The following MAP2K5 variants were observed in gnomAD, a reference collection of about 807,000 sequenced individuals.
MAP2K5 encodes the protein mitogen-activated protein kinase kinase 5.
MAP2K5 carries 49 observed loss-of-function variants against 83.1 expected under a neutral mutation model. That is an observed-to-expected ratio of 0.59 (90% CI 0.47 to 0.75). The LOEUF (loss-of-function observed/expected upper bound fraction) is 0.75, where lower values mean the gene tolerates loss of function less well. Among genes scored for constraint, MAP2K5 ranks in the 30% least tolerant of loss-of-function variants. MAP2K5 has a pLI of 0.00. For synonymous variants in MAP2K5, 202 were observed against 191.8 expected (o/e 1.05, Z -0.44); for missense variants, 457 against 557.5 (o/e 0.82, Z 1.82).
intron 21 of MAP2K5, among the ~76,000 whole-genome samples, chr15:67,803,832 C>T (rs776656056): frequency 1.3e-5 from 2 of 152,210 alleles, no homozygotes; most frequent in Non-Finnish European, 1.5e-5. Flanking sequence ...GGGGGAATTG[C>T]AATCTGAATA....
At chr15:67,670,494 TTTAAAA>T (rs2087503950) in intron 13 of MAP2K5, 1 of 454,494 alleles carries the variant, frequency 2.2e-6, no homozygotes, top group South Asian at 1.6e-5. Flanking sequence ...TAAACCAAAT[TTTAAAA>T]TTAAAAAGTA....
rs1397775565 is a variant in MAP2K5 at position 67,758,841 on chromosome 15, T to C, written c.1134+10240T>C. ...AAGGTTCCTTACATTATACTATCAC[T>C]GATTTGAAGAAAGTACAAAGTGACC... On this transcript the variant is annotated intron_variant, in intron 19 of 21. Transcript: ENST00000178640. This position sits in a 1 kb window ranked among gnomAD's most constrained non-coding sequence, Gnocchi z 4.7. Among the ~76,000 whole-genome samples, 1 of 152,210 alleles carries C rather than the reference T, an allele frequency of 6.6e-6. No individual in the cohort carries two copies.
At chr15:67,554,054 T>A (rs1242864880) in intron 2 of MAP2K5, among the ~76,000 whole-genome samples, 1 of 152,056 alleles carries the variant, frequency 6.6e-6, no homozygotes, top group African/African-American at 2.4e-5. Context: ...GAAATACTTA[T>A]AGTAATACAT....
intron 11 of MAP2K5, among the ~76,000 whole-genome samples, chr15:67,654,091 T>C (rs1489562958): frequency 6.6e-6 from 1 of 152,188 alleles, no homozygotes; most frequent in East Asian, 1.9e-4. Flanking sequence ...ATTAATCTTC[T>C]GTATAGTTTT....
rs112235244 is a variant in MAP2K5, at chr15:67,648,173, A to G, written c.736+1704A>G. ...GTAGTCATCACCACTGTATAATTCC[A>G]AAACACTTTTTACCACCCCCAGAAA... On this transcript the variant is annotated intron_variant, in intron 11 of 21. Coordinates refer to ENST00000178640, the MANE Select transcript of MAP2K5 (RefSeq NM_145160.3). Among the ~76,000 whole-genome samples, 637 of 152,308 alleles carry G rather than the reference A, an allele frequency of 4.2e-3. 6 individuals are homozygous for G. The highest frequency in any genetic ancestry group is 0.015 in the African/African-American group (608 of 41,568).
rs988595348 is a variant in MAP2K5 at position 67,644,151 on chromosome 15, T to C, written c.586-2080T>C. 6.6e-6 allele frequency among the ~76,000 whole-genome samples: 1 copy of C among 152,170 alleles called. No individual in the cohort carries two copies. The highest frequency in any genetic ancestry group is 1.5e-5 in the Non-Finnish European group (1 of 68,020). On this transcript the variant is annotated intron_variant, in intron 9 of 21. Coordinates refer to ENST00000178640, the MANE Select transcript of MAP2K5 (RefSeq NM_145160.3). The surrounding 1 kb of genome is among the most constrained non-coding windows in gnomAD (Gnocchi z 4.6). ...GCTCACGCCTGTAATCCCAGCACTT[T>C]GGGAGGCTGAGGCAGGTGGATCACC...
At chr15:67,654,620 T>C (rs1375323363) in intron 11 of MAP2K5, among the ~76,000 whole-genome samples, 1 of 152,196 alleles carries the variant, frequency 6.6e-6, no homozygotes, top group Admixed American at 6.6e-5. Flanking sequence ...TTATATCAAG[T>C]AGATATTTTC....
chr15:67,578,974 G>A (rs1431695580), intron 3 of MAP2K5, among the ~76,000 whole-genome samples: 1 of 152,112 alleles, frequency 6.6e-6, no homozygotes, highest in Non-Finnish European at 1.5e-5. Context: ...TTATTTCTAG[G>A]ATAATGGCAA....
At chr15:67,623,995 T>G (rs2086249654) in intron 8 of MAP2K5, among the ~76,000 whole-genome samples, 1 of 151,896 alleles carries the variant, frequency 6.6e-6, no homozygotes, top group African/African-American at 2.4e-5. Flanking sequence ...AGACTAGAGA[T>G]AACTGAGACT....
At position 67,769,237 on chromosome 15, in the gene MAP2K5, A is replaced by G. The variant is rs2090097543; in HGVS notation, c.1135-365A>G. Among the ~76,000 whole-genome samples, 1 of 152,250 alleles carries G rather than the reference A, an allele frequency of 6.6e-6. No individual in the cohort carries two copies. The highest frequency in any genetic ancestry group is 2.1e-4 in the South Asian group (1 of 4,830). ...AATCCAGTAAAAGAAACAAAGGTCAACACAAGAATAATTTCACAGCTCTTT... is the reference window on the plus strand; with the variant it reads ...AATCCAGTAAAAGAAACAAAGGTCAGCACAAGAATAATTTCACAGCTCTTT... On this transcript the variant is annotated intron_variant, in intron 19 of 21. Coordinates refer to ENST00000178640, the MANE Select transcript of MAP2K5 (RefSeq NM_145160.3). The surrounding 1 kb of genome is among the most constrained non-coding windows in gnomAD (Gnocchi z 5.2).
chr15:67,624,367 C>T (rs1032937522), intron 8 of MAP2K5, among the ~76,000 whole-genome samples: 1 of 137,792 alleles, frequency 7.3e-6, no homozygotes, highest in African/African-American at 2.6e-5. Context: ...AAAGAAGTGG[C>T]ACAGCTGGGA....
chr15:67,762,447 G>A (rs1403691330), intron 19 of MAP2K5, among the ~76,000 whole-genome samples: 1 of 151,520 alleles, frequency 6.6e-6, no homozygotes, highest in East Asian at 1.9e-4. Context: ...CAGTTTAAAA[G>A]ATTAACCTAT....
chr15:67,673,742 CTG>C (rs748605403), intron 13 of MAP2K5, among the ~76,000 whole-genome samples: 2 of 147,862 alleles, frequency 1.4e-5, no homozygotes, highest in Non-Finnish European at 3.0e-5. Context: ...TTGTAACAAT[CTG>C]TTTTTTTGCA....
At chr15:67,646,357 T>C (rs1313493838) in intron 10 of MAP2K5, 31 bp from the exon 11 acceptor site, 2 of 1,459,840 alleles carry the variant, frequency 1.4e-6, no homozygotes, top group East Asian at 4.5e-5. Flanking sequence ...CTTGCAGGTT[T>C]ATAACTACTT....
In MAP2K5 at chr15:67,781,589, G is replaced by A. The variant is rs368107660; in HGVS notation, c.1242+8837G>A. ...TACCGAGAGACATTTGCTGGAGTGT[G>A]GACTAGTTTCTTTCCAGTATCGTGG... is the stretch of plus-strand genomic sequence containing the variant. On this transcript the variant is annotated intron_variant, in intron 21 of 21. Coordinates refer to ENST00000178640, the MANE Select transcript of MAP2K5 (RefSeq NM_145160.3). This position sits in a 1 kb window ranked among gnomAD's most constrained non-coding sequence, Gnocchi z 4.0. Among the ~76,000 whole-genome samples the A allele has an allele frequency of 5.9e-5, 9 of 152,104 alleles. No individual in the cohort carries two copies. The highest frequency in any genetic ancestry group is 2.2e-4 in the African/African-American group (9 of 41,420).
At chr15:67,568,832 C>G (rs1421953917) in intron 3 of MAP2K5, among the ~76,000 whole-genome samples, 1 of 151,652 alleles carries the variant, frequency 6.6e-6, no homozygotes. Context: ...CTGTGAAACC[C>G]CATTTCTACT....
rs1316069432 is a variant in MAP2K5, at chr15:67,637,579, G to A, written c.585+6652G>A. 2.6e-5 allele frequency among the ~76,000 whole-genome samples: 4 copies of A among 152,082 alleles called. No individual in the cohort carries two copies. Among genetic ancestry groups the A allele is most frequent in the Non-Finnish European group, 5.9e-5 (4 of 68,018 alleles). On this transcript the variant is annotated intron_variant, in intron 9 of 21. Transcript: ENST00000178640. This position sits in a 1 kb window ranked among gnomAD's most constrained non-coding sequence, Gnocchi z 4.5. ...CTAGTGGTTCTCTCCCTGGCCTCAG[G>A]TGATCTCCTGACATCTATGTACAGA...
In MAP2K5 at chr15:67,543,494, G is replaced by C. The variant is rs1691286118; in HGVS notation, c.135+24G>C. ...TGGTGAGTGGTAATCTCAGTGTCCGGATGCCAGCAAGGGGGACTCAGGGAC... is the reference window on the plus strand; with the variant it reads ...TGGTGAGTGGTAATCTCAGTGTCCGCATGCCAGCAAGGGGGACTCAGGGAC... On this transcript the variant is annotated intron_variant, in intron 1 of 21. Coordinates refer to ENST00000178640, the MANE Select transcript of MAP2K5 (RefSeq NM_145160.3). This position sits in a 1 kb window ranked among gnomAD's most constrained non-coding sequence, Gnocchi z 4.3. 1 of 1,613,688 alleles carries C rather than the reference G, an allele frequency of 6.2e-7. No individual in the cohort carries two copies. The highest frequency in any genetic ancestry group is 1.1e-5 in the South Asian group (1 of 91,066).
intron 19 of MAP2K5, among the ~76,000 whole-genome samples, chr15:67,762,990 C>T (rs16951249): frequency 0.017 from 2,623 of 152,256 alleles, 223 homozygotes; most frequent in Admixed American, 0.13. Flanking sequence ...TAATTTGTCA[C>T]GCCTGGCAGC....
Sources: allele counts gnomAD v4.1 joint callset (sites outside exome capture counted in the v4.1 genomes callset), GRCh38; gene constraint gnomAD v4.1.1; non-coding constraint Gnocchi (gnomAD v3.1); transcripts MANE v1.5; gene names NCBI Gene and HGNC (gene_info 2026-07-23, HGNC 2026-07-21).